Variants in QTMAN observed in about 807,000 individuals in gnomAD.
QTMAN encodes queuosine-tRNA mannosyltransferase, also known as tRNA-queuosine alpha-mannosyltransferase.
At chr2:144,082,575 A>T in the QTMAN span, among the ~76,000 whole-genome samples, 1 of 152,200 alleles carries the variant, frequency 6.6e-6, no homozygotes, top group Non-Finnish European at 1.5e-5. Context: ...AAGTACAAAA[A>T]GGTTGAACAT....
chr2:144,316,249 C>A, the QTMAN span, among the ~76,000 whole-genome samples: 1 of 150,332 alleles, frequency 6.7e-6, no homozygotes, highest in Non-Finnish European at 1.5e-5. Flanking sequence ...AAAAAAAAAA[C>A]GCTGCTGCTA....
chr2:144,191,205 CT>C, the QTMAN span, among the ~76,000 whole-genome samples: 1 of 152,142 alleles, frequency 6.6e-6, no homozygotes, highest in Non-Finnish European at 1.5e-5. Flanking sequence ...TTCATTATAT[CT>C]ATCTTTTGCT....
chr2:144,307,159 T>TAAAAA, the QTMAN span, among the ~76,000 whole-genome samples: 1 of 40,466 alleles, frequency 2.5e-5, no homozygotes, highest in Non-Finnish European at 4.0e-5. Context: ...GACTCCGTCT[T>TAAAAA]AAAAAAAAAA....
the QTMAN span, among the ~76,000 whole-genome samples, chr2:144,118,737 C>T: frequency 3.3e-5 from 5 of 152,042 alleles, no homozygotes; most frequent in Admixed American, 6.6e-5. Context: ...AAAAATTAGC[C>T]GGGCATGGTG....
the QTMAN span, among the ~76,000 whole-genome samples, chr2:144,124,815 T>C: frequency 8.1e-4 from 123 of 152,278 alleles, no homozygotes; most frequent in South Asian, 4.6e-3. Context: ...CTTCCTTTGC[T>C]AGACATTTTT....
the QTMAN span, among the ~76,000 whole-genome samples, chr2:144,164,116 G>T: frequency 6.6e-6 from 1 of 151,972 alleles, no homozygotes; most frequent in Non-Finnish European, 1.5e-5. Flanking sequence ...AGAGATGGGG[G>T]TTTCACCATA....
chr2:144,223,121 C>G, the QTMAN span, among the ~76,000 whole-genome samples: 3 of 152,238 alleles, frequency 2.0e-5, no homozygotes, highest in African/African-American at 7.2e-5. Flanking sequence ...TGAAATCACT[C>G]TGTTCCTGGA....
the QTMAN span, among the ~76,000 whole-genome samples, chr2:144,263,421 G>C: frequency 6.6e-6 from 1 of 152,026 alleles, no homozygotes; most frequent in Non-Finnish European, 1.5e-5. Flanking sequence ...ACTATATTTG[G>C]GTCCTGGTCA....
At chr2:144,080,493 A>T in the QTMAN span, among the ~76,000 whole-genome samples, 1 of 152,144 alleles carries the variant, frequency 6.6e-6, no homozygotes, top group East Asian at 1.9e-4. Context: ...ATTCATTTTT[A>T]AAGTAATAAC....
At chr2:144,016,497 T>C in the QTMAN span, among the ~76,000 whole-genome samples, 1 of 152,048 alleles carries the variant, frequency 6.6e-6, no homozygotes, top group Non-Finnish European at 1.5e-5. Context: ...GTACATTTGC[T>C]CTTTCTGTGT....
the QTMAN span, among the ~76,000 whole-genome samples, chr2:144,235,250 C>T: frequency 6.6e-5 from 10 of 152,148 alleles, no homozygotes; most frequent in South Asian, 4.1e-4. Flanking sequence ...AGGCAATAGA[C>T]TGATTTTCTG....
chr2:144,281,059 G>A, the QTMAN span, among the ~76,000 whole-genome samples: 2,681 of 51,612 alleles, frequency 0.052, 44 homozygotes, highest in Non-Finnish European at 0.077. Context: ...CCCTCCCCCC[G>A]CCCCCACCCC....
At chr2:144,110,276 C>A in the QTMAN span, among the ~76,000 whole-genome samples, 177 of 152,226 alleles carry the variant, frequency 1.2e-3, no homozygotes, top group African/African-American at 4.2e-3. Context: ...TCATTCTCAG[C>A]AAACTATTGC....
the QTMAN span, among the ~76,000 whole-genome samples, chr2:144,166,795 C>A: frequency 2.6e-5 from 4 of 152,136 alleles, no homozygotes; most frequent in African/African-American, 9.7e-5. Flanking sequence ...ATTCTTCAGA[C>A]TCCACAAATG....
chr2:144,316,787 C>T, the QTMAN span, among the ~76,000 whole-genome samples: 2 of 152,106 alleles, frequency 1.3e-5, no homozygotes, highest in South Asian at 2.1e-4. Context: ...TGTATGCTGG[C>T]CTTTCAGATT....
At chr2:144,311,150 T>C in the QTMAN span, among the ~76,000 whole-genome samples, 1 of 152,172 alleles carries the variant, frequency 6.6e-6, no homozygotes, top group Non-Finnish European at 1.5e-5. Flanking sequence ...GATAATAACA[T>C]GAACAGACAC....
the QTMAN span, chr2:144,230,181 T>C: frequency 6.6e-6 from 1 of 152,142 alleles, no homozygotes; most frequent in African/African-American, 2.4e-5. Context: ...TTAGGCGCAC[T>C]AAAGATTGAG....
At chr2:144,110,676 T>G in the QTMAN span, among the ~76,000 whole-genome samples, 1 of 132,162 alleles carries the variant, frequency 7.6e-6, no homozygotes. Context: ...AAGAGAAAAA[T>G]CGACCCCCCC....
chr2:144,105,116 T>A, the QTMAN span, among the ~76,000 whole-genome samples: 1 of 152,036 alleles, frequency 6.6e-6, no homozygotes, highest in Non-Finnish European at 1.5e-5. Flanking sequence ...TACATTACCA[T>A]CATCAAAGAT....
Sources: allele counts gnomAD v4.1 joint callset (sites outside exome capture counted in the v4.1 genomes callset), GRCh38; gene constraint gnomAD v4.1.1; transcripts MANE v1.5; gene names NCBI Gene and HGNC (gene_info 2026-07-23, HGNC 2026-07-21).